IL1RAPL1: variants seen among roughly 807,000 people sequenced by gnomAD.
IL1RAPL1 encodes the protein interleukin-1 receptor accessory protein-like 1.
In IL1RAPL1, 3 loss-of-function variants were observed where a neutral mutation model predicts 48.4. The ratio of observed to expected loss-of-function variants is 0.06; its 90% confidence interval spans 0.03 to 0.16. The LOEUF is 0.16. Among genes scored for constraint, IL1RAPL1 ranks in the 10% least tolerant of loss-of-function variants. IL1RAPL1 has a pLI of 1.00. For missense variants in IL1RAPL1, 349 were observed against 530.6 expected, an observed-to-expected ratio of 0.66 and a Z score of 3.36; for synonymous variants, 185 against 187.7, an observed-to-expected ratio of 0.99 and a Z score of 0.12.
intron 5 of IL1RAPL1, among the ~76,000 whole-genome samples, chrX:29,418,801 G>C (rs1934255993): frequency 8.9e-6 from 1 of 112,011 alleles, no homozygotes; most frequent in African/African-American, 3.2e-5. Context: ...CAATGAAGTA[G>C]TTTGGATGAT....
intron 6 of IL1RAPL1, among the ~76,000 whole-genome samples, chrX:29,915,689 G>A (rs1389550698): frequency 1.1e-5 from 1 of 88,433 alleles, no homozygotes; most frequent in Non-Finnish European, 2.2e-5. Flanking sequence ...GGATCGCAGA[G>A]TTCTCAGGGC....
chrX:29,396,191 A>G, intron 3 of IL1RAPL1, 67 bp from the exon 4 acceptor site: 1 of 922,943 alleles, frequency 1.1e-6, no homozygotes, highest in East Asian at 3.1e-5. Flanking sequence ...TGAATTAAAT[A>G]CACTGCCTTG....
chrX:28,637,328 G>T (rs577980786), intron 1 of IL1RAPL1, among the ~76,000 whole-genome samples: 2 of 111,377 alleles, frequency 1.8e-5, no homozygotes, highest in African/African-American at 3.3e-5. Context: ...AACAAAAAAG[G>T]TTCTCAGAGA....
At chrX:29,411,966 C>G (rs1934149594) in intron 5 of IL1RAPL1, among the ~76,000 whole-genome samples, 1 of 110,806 alleles carries the variant, frequency 9.0e-6, no homozygotes, top group Non-Finnish European at 1.9e-5. Flanking sequence ...AATAAATATC[C>G]CTTGATAGAA....
At chrX:29,483,264 G>C (rs1935059570) in intron 5 of IL1RAPL1, among the ~76,000 whole-genome samples, 1 of 111,872 alleles carries the variant, frequency 8.9e-6, no homozygotes, top group Non-Finnish European at 1.9e-5. Flanking sequence ...AAAGCCTCTT[G>C]ATCTCAGAAT....
intron 2 of IL1RAPL1, among the ~76,000 whole-genome samples, chrX:28,791,310 G>C (rs1936537252): frequency 9.0e-6 from 1 of 111,054 alleles, no homozygotes; most frequent in African/African-American, 3.3e-5. Context: ...GTTGGAAAAT[G>C]CAAATTTAAT....
At chrX:29,199,330 CT>C (rs1224024371) in intron 2 of IL1RAPL1, among the ~76,000 whole-genome samples, 14 of 106,078 alleles carry the variant, frequency 1.3e-4, no homozygotes, top group African/African-American at 1.4e-4. Context: ...ACTATAATCA[CT>C]TTTTTTTTTG....
chrX:29,153,217 C>A (rs903355919), intron 2 of IL1RAPL1, among the ~76,000 whole-genome samples: 1 of 111,566 alleles, frequency 9.0e-6, no homozygotes, highest in African/African-American at 3.3e-5. Context: ...ATATTTAATA[C>A]CCTTGCGATT....
At chrX:29,520,826 G>T (rs1935495107) in intron 5 of IL1RAPL1, among the ~76,000 whole-genome samples, 1 of 110,970 alleles carries the variant, frequency 9.0e-6, no homozygotes, top group African/African-American at 3.3e-5. Context: ...GTCTGCTTTA[G>T]TCACTAGGCT....
chrX:29,367,782 T>C (rs1933486562), intron 3 of IL1RAPL1, among the ~76,000 whole-genome samples: 1 of 109,049 alleles, frequency 9.2e-6, no homozygotes, highest in Non-Finnish European at 1.9e-5. Context: ...TTTCACCTTG[T>C]TGGCCAGGCT....
intron 6 of IL1RAPL1, among the ~76,000 whole-genome samples, chrX:29,755,659 GTAAA>G (rs969739293): frequency 2.7e-5 from 3 of 112,178 alleles, no homozygotes; most frequent in Admixed American, 9.5e-5. Context: ...ATTGTTTAAA[GTAAA>G]TAAAACCACA....
chrX:28,641,211 C>T (rs1462927063), intron 1 of IL1RAPL1, among the ~76,000 whole-genome samples: 1 of 109,871 alleles, frequency 9.1e-6, no homozygotes, highest in East Asian at 2.9e-4. Context: ...CTATCCCTCC[C>T]CCAGCCCACC....
At chrX:28,967,119 G>T (rs777300334) in intron 2 of IL1RAPL1, among the ~76,000 whole-genome samples, 1 of 112,024 alleles carries the variant, frequency 8.9e-6, no homozygotes, top group East Asian at 2.8e-4. Flanking sequence ...CCTTTGCCCA[G>T]TTACATGAAC....
chrX:29,285,996 A>G (rs1181111973), intron 3 of IL1RAPL1, among the ~76,000 whole-genome samples: 1 of 112,054 alleles, frequency 8.9e-6, no homozygotes, highest in Non-Finnish European at 1.9e-5. Flanking sequence ...AGGCTTGAAA[A>G]TGTTAGCATC....
intron 2 of IL1RAPL1, among the ~76,000 whole-genome samples, chrX:29,029,327 C>A (rs1476037919): frequency 2.7e-5 from 3 of 110,889 alleles, no homozygotes; most frequent in Non-Finnish European, 5.7e-5. Flanking sequence ...GTGTTGTGGT[C>A]TAAGGCAAAA....
rs113032555 is a variant in IL1RAPL1, at chrX:29,042,361, T to C, written c.83-240577T>C. On this transcript the variant is annotated intron_variant, in intron 2 of 10. Coordinates refer to ENST00000378993, the MANE Select transcript of IL1RAPL1 (RefSeq NM_014271.4). ...AGGCCCCACTCTTCTCTAGTTCCCA[T>C]TGGAACTAGAAACTGTTGTAAGAAT... Among the ~76,000 whole-genome samples, 709 of 111,459 alleles carry C rather than the reference T, an allele frequency of 6.4e-3. 9 individuals carry two copies. The highest frequency in any genetic ancestry group is 0.022 in the African/African-American group (676 of 30,709).
intron 5 of IL1RAPL1, among the ~76,000 whole-genome samples, chrX:29,458,906 G>A (rs1280368296): frequency 9.0e-6 from 1 of 111,417 alleles, no homozygotes; most frequent in Non-Finnish European, 1.9e-5. Flanking sequence ...TCAGTTTTAT[G>A]GGTCATGTGG....
intron 6 of IL1RAPL1, among the ~76,000 whole-genome samples, chrX:29,722,872 T>A (rs950132486): frequency 1.8e-5 from 2 of 112,604 alleles, no homozygotes; most frequent in African/African-American, 3.2e-5. Context: ...TCAGAACATA[T>A]GCTTTCTCTA....
intron 2 of IL1RAPL1, among the ~76,000 whole-genome samples, chrX:29,011,443 T>C (rs1037901651): frequency 2.7e-5 from 3 of 112,403 alleles, no homozygotes; most frequent in African/African-American, 9.7e-5. Flanking sequence ...AACTCAGTAA[T>C]AAAAAGGAAT....
Sources: gnomAD v4.1 joint callset for allele counts (sites outside exome capture counted in the v4.1 genomes callset) on GRCh38, gnomAD v4.1.1 for gene constraint, MANE v1.5 for transcripts, NCBI Gene and HGNC (gene_info 2026-07-23, HGNC 2026-07-21) for gene names.